STK32B: variants seen among roughly 807,000 people sequenced by gnomAD.
STK32B encodes serine/threonine kinase 32B.
In STK32B, 43 loss-of-function variants were observed where a neutral mutation model predicts 52.6. The ratio of observed to expected loss-of-function variants is 0.82; its 90% CI spans 0.64 to 1.05. STK32B has a LOEUF of 1.05. STK32B is among the 50% of genes least tolerant of loss of function. STK32B has a pLI of 0.00. For synonymous variants in STK32B, 238 were observed against 204.3 expected, an observed-to-expected ratio of 1.17 and a Z score of -1.41; for missense variants, 621 against 534.6, an observed-to-expected ratio of 1.16 and a Z score of -1.59.
At chr4:5,061,508 T>C (rs190787539) in intron 1 of STK32B, among the ~76,000 whole-genome samples, 1 of 152,342 alleles carries the variant, frequency 6.6e-6, no homozygotes, top group Admixed American at 6.5e-5. Context: ...TTCTCTAATT[T>C]GCCTTTTTGT....
At chr4:5,283,985 A>T (rs1728382109) in intron 3 of STK32B, among the ~76,000 whole-genome samples, 1 of 152,192 alleles carries the variant, frequency 6.6e-6, no homozygotes, top group Non-Finnish European at 1.5e-5. Context: ...GGTGGTGTGT[A>T]AAGCAATTTT....
intron 4 of STK32B, among the ~76,000 whole-genome samples, chr4:5,373,813 G>A (rs1270802709): frequency 6.6e-6 from 1 of 152,154 alleles, no homozygotes; most frequent in African/African-American, 2.4e-5. Context: ...GAGTATGTGG[G>A]TCCCCCATGA....
intron 1 of STK32B, chr4:5,139,586 G>A (rs959552824): frequency 4.2e-5 from 14 of 331,022 alleles, no homozygotes; most frequent in Non-Finnish European, 6.8e-5. Flanking sequence ...GCCGTACATT[G>A]TTGACCTGTC....
intron 3 of STK32B, among the ~76,000 whole-genome samples, chr4:5,252,932 G>A (rs575854795): frequency 1.3e-5 from 2 of 152,114 alleles, no homozygotes; most frequent in African/African-American, 4.8e-5. Flanking sequence ...GTTGTAACCC[G>A]CTCACTGTGC....
chr4:5,087,307 G>T (rs1047226016), intron 1 of STK32B, among the ~76,000 whole-genome samples: 1 of 151,802 alleles, frequency 6.6e-6, no homozygotes. Flanking sequence ...AATGTATATA[G>T]AGAGAAACCA....
At chr4:5,122,584 CTCAT>C in intron 1 of STK32B, among the ~76,000 whole-genome samples, 1 of 152,096 alleles carries the variant, frequency 6.6e-6, no homozygotes, top group East Asian at 1.9e-4. Flanking sequence ...CATTCACTCA[CTCAT>C]TCACCCACCC....
chr4:5,293,168 C>T (rs1560291598), intron 3 of STK32B, among the ~76,000 whole-genome samples: 1 of 152,056 alleles, frequency 6.6e-6, no homozygotes, highest in Non-Finnish European at 1.5e-5. Flanking sequence ...ATAAGTACCA[C>T]ATTTTCTTTA....
At chr4:5,057,593 T>C (rs1742055660) in intron 1 of STK32B, among the ~76,000 whole-genome samples, 2 of 152,146 alleles carry the variant, frequency 1.3e-5, no homozygotes, top group Admixed American at 1.3e-4. Flanking sequence ...TCCAACAGTA[T>C]GAGCTGAAGT....
chr4:5,051,473 C>T (rs1238492466), upstream of STK32B: 1 of 255,750 alleles, frequency 3.9e-6, no homozygotes. Context: ...CCCCTCCTCC[C>T]CCGCTCCTTC....
chr4:5,230,208 T>TTTTTTTTTTTTTTTTTTTTTTTTTTG (rs58022709), intron 3 of STK32B, among the ~76,000 whole-genome samples: 4 of 103,490 alleles, frequency 3.9e-5, no homozygotes, highest in Admixed American at 1.2e-4. Context: ...TTTTTTTTTT[T>TTTTTTTTTTTTTTTTTTTTTTTTTTG]TAGTGGAGTC....
chr4:5,273,235 G>GA (rs1377553214), intron 3 of STK32B, among the ~76,000 whole-genome samples: 2 of 138,042 alleles, frequency 1.4e-5, no homozygotes, highest in East Asian at 4.5e-4. Context: ...AAAAACACAT[G>GA]AAAAAATGCT....
At chr4:5,166,504 A>G (rs1213608100) in intron 2 of STK32B, among the ~76,000 whole-genome samples, 1 of 147,666 alleles carries the variant, frequency 6.8e-6, no homozygotes, top group Admixed American at 6.9e-5. Context: ...GCCTAAGTCT[A>G]CTCTGACTGG....
intron 6 of STK32B, among the ~76,000 whole-genome samples, chr4:5,421,875 A>G (rs1001224980): frequency 2.0e-5 from 3 of 152,230 alleles, no homozygotes; most frequent in African/African-American, 7.2e-5. Flanking sequence ...GGAGAGGTTA[A>G]TTAACCTGCC....
chr4:5,126,168 C>T (rs901652251), intron 1 of STK32B, among the ~76,000 whole-genome samples: 10 of 152,226 alleles, frequency 6.6e-5, no homozygotes, highest in African/African-American at 2.4e-4. Flanking sequence ...GAAGGCCTTA[C>T]TATTGGATAG....
At chr4:5,154,260 G>A (rs953228445) in intron 2 of STK32B, among the ~76,000 whole-genome samples, 6 of 145,340 alleles carry the variant, frequency 4.1e-5, no homozygotes, top group Non-Finnish European at 7.4e-5. Context: ...TTGTTGCCCA[G>A]GCTGGAGTGC....
intron 1 of STK32B, among the ~76,000 whole-genome samples, chr4:5,062,803 T>G (rs1291091675): frequency 6.6e-6 from 1 of 152,176 alleles, no homozygotes; most frequent in African/African-American, 2.4e-5. Flanking sequence ...CCACCATGCC[T>G]GGACAGTTTT....
At chr4:5,372,445 C>T (rs928456180) in intron 4 of STK32B, among the ~76,000 whole-genome samples, 7 of 152,186 alleles carry the variant, frequency 4.6e-5, no homozygotes, top group African/African-American at 1.4e-4. Flanking sequence ...TAGCCCAGGA[C>T]TCCCGACCTC....
Position 5,335,903 on chromosome 4 carries a change from G to A in STK32B, c.434+4510G>A, listed in dbSNP as rs887652925. On this transcript the variant is annotated intron_variant, in intron 4 of 11. Transcript: ENST00000282908. ...TGAGGAGAGCTTTATTTCCAACTAT[G>A]TGGTCAATTTTGGAATAGGTGTGGT... is the stretch of plus-strand genomic sequence containing the variant. 2.0e-5 allele frequency among the ~76,000 whole-genome samples: 3 copies of A among 151,726 alleles called. No homozygotes were observed. In the East Asian group the frequency reaches 5.8e-4, roughly 29 times the overall value.
At chr4:5,476,653 AC>A (rs1364566163) in intron 11 of STK32B, among the ~76,000 whole-genome samples, 1 of 151,938 alleles carries the variant, frequency 6.6e-6, no homozygotes, top group Non-Finnish European at 1.5e-5. Context: ...GTCGCCTAGC[AC>A]CTGTGAAGAT....
Sources: gnomAD v4.1 joint callset for allele counts (sites outside exome capture counted in the v4.1 genomes callset) on GRCh38, gnomAD v4.1.1 for gene constraint, MANE v1.5 for transcripts, NCBI Gene and HGNC (gene_info 2026-07-23, HGNC 2026-07-21) for gene names.